Variants in POR observed in about 807,000 individuals in gnomAD.
POR encodes the protein NADPH--cytochrome P450 reductase.
A neutral mutation model predicts 84.0 loss-of-function variants in POR; 56 were observed. That is an observed-to-expected ratio of 0.67 (90% CI 0.54 to 0.83). POR has a LOEUF of 0.83. POR is among the 40% of genes least tolerant of loss of function. The probability of loss-of-function intolerance (pLI) is 0.00; values close to 1 mark genes in which losing one functional copy is unlikely to be tolerated. For synonymous variants in POR, 414 were observed against 400.5 expected (o/e 1.03, Z -0.40); for missense variants, 938 against 944.3 (o/e 0.99, Z 0.09).
At position 75,986,171 on chromosome 7, in the gene POR, C is replaced by A; in HGVS notation, c.1828C>A (p.His610Asn). 6.2e-7 allele frequency: 1 copy of A among 1,611,590 alleles called. No individual in the cohort carries two copies. Among genetic ancestry groups the A allele is most frequent in the South Asian group, 1.1e-5 (1 of 90,888 alleles). The change falls in exon 15 of 16, where the codon CAC becomes AAC. Residue 610 changes from histidine to asparagine, a missense_variant. By Grantham distance (68) the His-to-Asn change is moderately conservative. Transcript: ENST00000461988. ...CCCTTGGCCCCAGGTCTACGTCCAGCACCTGCTAAAGCAAGACCGAGAGCA... is the reference window on the plus strand; with the variant it reads ...CCCTTGGCCCCAGGTCTACGTCCAGAACCTGCTAAAGCAAGACCGAGAGCA...
intron 1 of POR, among the ~76,000 whole-genome samples, chr7:75,949,458 T>A (rs1787319221): frequency 1.3e-5 from 2 of 151,304 alleles, no homozygotes; most frequent in African/African-American, 4.9e-5. Context: ...CTGGCCACTT[T>A]AGGTTTTTGT....
chr7:75,939,858 T>A (rs1248912973), intron 1 of POR, among the ~76,000 whole-genome samples: 1 of 152,026 alleles, frequency 6.6e-6, no homozygotes, highest in Non-Finnish European at 1.5e-5. Context: ...TCCACCCGCC[T>A]CAGCCTCCCA....
At chr7:75,946,488 A>G (rs1385690656) in intron 1 of POR, among the ~76,000 whole-genome samples, 1 of 152,060 alleles carries the variant, frequency 6.6e-6, no homozygotes, top group Non-Finnish European at 1.5e-5. Flanking sequence ...GGGTTTTGCC[A>G]TGTTACCCAG....
Position 75,983,721 on chromosome 7 carries a change from C to T in POR, c.948-17C>T, listed in dbSNP as rs782312165. Reference sequence around the variant, plus strand: ...GGCCAGCCTTCCGCCCCTCCCGAGCCTCACATCTCCCTCCAGGTATGAATC... The same window carrying T: ...GGCCAGCCTTCCGCCCCTCCCGAGCTTCACATCTCCCTCCAGGTATGAATC... On this transcript the variant is annotated splice_polypyrimidine_tract_variant and intron_variant, in intron 9 of 15. Coordinates refer to ENST00000461988, the MANE Select transcript of POR (RefSeq NM_000941.3). The T allele has an allele frequency of 6.2e-7, 1 of 1,611,122 alleles. No homozygotes were observed. The highest frequency in any genetic ancestry group is 1.1e-5 in the South Asian group (1 of 91,022).
In POR at chr7:75,985,197, C is replaced by T; in HGVS notation, c.1388C>T (p.Ser463Leu). The change falls in exon 12 of 16, where the codon TCA becomes TTA. Residue 463 changes from serine to leucine, a missense_variant. By Grantham distance (145) the Ser-to-Leu change is moderately radical. Coordinates refer to ENST00000461988, the MANE Select transcript of POR (RefSeq NM_000941.3). Reference sequence around the variant, plus strand: ...CAGGCCCGCTACTACTCCATCGCCTCATCCTCCAAGGTGAGGGCCGGCACT... The same window carrying T: ...CAGGCCCGCTACTACTCCATCGCCTTATCCTCCAAGGTGAGGGCCGGCACT... 1 of 1,593,938 alleles carries T rather than the reference C, an allele frequency of 6.3e-7. No homozygotes were observed. Among genetic ancestry groups the T allele is most frequent in the Admixed American group, 1.7e-5 (1 of 59,636 alleles).
chr7:75,980,901 G>A, intron 5 of POR, 147 bp from the exon 6 acceptor site: 1 of 1,123,138 alleles, frequency 8.9e-7, no homozygotes, highest in Non-Finnish European at 1.2e-6. Context: ...AGTGTTCCTT[G>A]CAGTGCGAGG....
chr7:75,957,715 A>G (rs1330214643), intron 2 of POR, among the ~76,000 whole-genome samples: 3 of 152,194 alleles, frequency 2.0e-5, no homozygotes, highest in African/African-American at 7.2e-5. Context: ...CTTTGCCAGG[A>G]TGCTGAAATT....
In POR at chr7:75,952,115, ACGGGG is replaced by A. The variant is rs1787453448; in HGVS notation, c.-4-1872_-4-1868del. On this transcript the variant is annotated intron_variant, in intron 1 of 15. Coordinates refer to ENST00000461988, the MANE Select transcript of POR (RefSeq NM_000941.3). ...GCTGACCCCCCCACCTCCCTCCCGG[ACGGGG>A]CAGCTGGCCGGGCGGGGGGCTGACC... Among the ~76,000 whole-genome samples, 9 of 114,958 alleles carry A rather than the reference ACGGGG, an allele frequency of 7.8e-5. 1 individual carries two copies. The highest frequency in any genetic ancestry group is 3.4e-4 in the African/African-American group (9 of 26,366). The allele number at this position is 114,958 out of a possible 152,430, so 75.4% of individuals were successfully genotyped here.
Position 75,949,971 on chromosome 7 carries a change from A to G in POR, c.-4-4018A>G, listed in dbSNP as rs538011985. 3.7e-4 allele frequency among the ~76,000 whole-genome samples: 55 copies of G among 147,218 alleles called. 1 individual carries two copies. In the South Asian group the frequency reaches 0.012, roughly 32 times the overall value. On this transcript the variant is annotated intron_variant, in intron 1 of 15. Coordinates refer to ENST00000461988, the MANE Select transcript of POR (RefSeq NM_000941.3). ...CCTTCCGGGTTCACACCATTCTCCC[A>G]CCTCACCTCCCTCCTCCTGTTTCTG...
intron 2 of POR, among the ~76,000 whole-genome samples, chr7:75,969,335 G>A (rs964922388): frequency 6.6e-6 from 1 of 152,150 alleles, no homozygotes. Flanking sequence ...TCCCGTGCCT[G>A]TCTAGTGTCA....
At chr7:75,917,380 C>CTTTTTTTTTTTTTTTTTTTTTTTTTTT (rs199962786) in intron 1 of POR, among the ~76,000 whole-genome samples, 1 of 125,976 alleles carries the variant, frequency 7.9e-6, no homozygotes, top group African/African-American at 4.0e-5. Flanking sequence ...CTTATTTCTT[C>CTTTTTTTTTTTTTTTTTTTTTTTTTTT]TTCTTTTTTT....
rs781917579 is a variant in POR, at chr7:75,982,356, C to G, written c.830+34C>G. The stretch of plus-strand genomic sequence containing the variant: ...AGGGAGCGTGGCTTGGGGCAGACGG[C>G]TCTATGGCCACTGGTGCACCCCAGG... On this transcript the variant is annotated intron_variant, in intron 8 of 15. Transcript: ENST00000461988. 37 of 1,537,516 alleles carry G rather than the reference C, an allele frequency of 2.4e-5. 1 individual carries two copies. The South Asian group carries it at 4.3e-4, about 18-fold the overall frequency.
At chr7:75,979,714 C>A in intron 4 of POR, 135 bp downstream of exon 4, 1 of 1,256,264 alleles carries the variant, frequency 8.0e-7, no homozygotes, top group Non-Finnish European at 1.1e-6. Flanking sequence ...AGTTGCCTTC[C>A]CGTGAGGGTC....
Position 75,984,861 on chromosome 7 carries a change from C to T in POR, c.1151C>T (p.Pro384Leu), listed in dbSNP as rs543360508. The T allele has an allele frequency of 1.6e-5, 25 of 1,612,604 alleles. No homozygotes were observed. The highest frequency in any genetic ancestry group is 5.5e-5 in the South Asian group (5 of 91,082). The change falls in exon 11 of 16, where the codon CCG (proline) becomes CTG (leucine). Residue 384 changes from proline to leucine, a missense_variant. By Grantham distance (98) the Pro-to-Leu change is moderately conservative. Transcript: ENST00000461988. ...TACTACCTGGACATCACCAACCCGC[C>T]GCGTACCAACGTGCTGTACGAGCTG... is the stretch of plus-strand genomic sequence containing the variant.
intron 6 of POR, 150 bp from the exon 7 acceptor site, chr7:75,981,367 C>T: frequency 8.5e-7 from 1 of 1,181,666 alleles, no homozygotes; most frequent in South Asian, 1.4e-5. Context: ...CTGGAGCCTT[C>T]CTGATGCTCT....
rs144399527 is a variant in POR, at chr7:75,950,640, A to G, written c.-4-3349A>G. The stretch of plus-strand genomic sequence containing the variant: ...CTGTCTGGTTCTATGAAAATGTGAC[A>G]GGTGGCTCATAAGCTTGACAGAGAT... On this transcript the variant is annotated intron_variant, in intron 1 of 15. Transcript: ENST00000461988. Among the ~76,000 whole-genome samples, 1,024 of 152,320 alleles carry G rather than the reference A, an allele frequency of 6.7e-3. 12 individuals carry two copies. The highest frequency in any genetic ancestry group is 0.027 in the Middle Eastern group (8 of 294).
intron 2 of POR, among the ~76,000 whole-genome samples, chr7:75,958,179 C>T (rs782165766): frequency 6.6e-5 from 10 of 152,160 alleles, no homozygotes; most frequent in South Asian, 4.1e-4. Context: ...TACGCTGGCA[C>T]GATCTCGGCT....
At chr7:75,923,584 G>T (rs1806975206) in intron 1 of POR, 4 of 331,540 alleles carry the variant, frequency 1.2e-5, no homozygotes, top group South Asian at 8.5e-5. Context: ...GTAAAGGAAG[G>T]GTCAAAGGAA....
At chr7:75,921,199 C>G (rs1038072236) in intron 1 of POR, 5 of 152,128 alleles carry the variant, frequency 3.3e-5, no homozygotes, top group African/African-American at 1.2e-4. Context: ...CAAAAGACTC[C>G]TGTCCCTTTT....
Sources: allele counts gnomAD v4.1 joint callset (sites outside exome capture counted in the v4.1 genomes callset), GRCh38; gene constraint gnomAD v4.1.1; transcripts MANE v1.5; gene names NCBI Gene and HGNC (gene_info 2026-07-23, HGNC 2026-07-21).